Variants in ARHGAP24 observed in about 807,000 individuals in gnomAD.
ARHGAP24 encodes the protein Rho GTPase activating protein 24, also known as rho GTPase-activating protein 24.
Under a neutral mutation model 76.4 loss-of-function variants are expected in ARHGAP24, and 50 were observed. The ratio of observed to expected loss-of-function variants is 0.65; its 90% CI spans 0.52 to 0.83. ARHGAP24 has a LOEUF of 0.83. ARHGAP24 is among the 40% of genes least tolerant of loss of function. ARHGAP24 has a pLI of 0.00. For synonymous variants in ARHGAP24, 345 were observed against 323.3 expected (o/e 1.07, Z -0.72); for missense variants, 930 against 914.2 (o/e 1.02, Z -0.22).
chr4:85,798,140 A>G (rs1348792377), intron 3 of ARHGAP24, among the ~76,000 whole-genome samples: 1 of 152,212 alleles, frequency 6.6e-6, no homozygotes, highest in African/African-American at 2.4e-5. Context: ...GTTGCAAGAT[A>G]TAACTTCTTT....
At chr4:85,771,161 T>C (rs1277620208) in intron 3 of ARHGAP24, among the ~76,000 whole-genome samples, 6 of 152,298 alleles carry the variant, frequency 3.9e-5, no homozygotes, top group South Asian at 2.1e-4. Flanking sequence ...AGGAGATATA[T>C]AGATATATAG....
intron 5 of ARHGAP24, among the ~76,000 whole-genome samples, chr4:85,943,126 A>G (rs1178348438): frequency 2.6e-5 from 4 of 152,172 alleles, no homozygotes; most frequent in Non-Finnish European, 4.4e-5. Flanking sequence ...TATAAATACT[A>G]TTGTAGTGGA....
At chr4:85,835,195 C>T (rs978795543) in intron 3 of ARHGAP24, among the ~76,000 whole-genome samples, 50 of 152,032 alleles carry the variant, frequency 3.3e-4, no homozygotes, top group African/African-American at 9.2e-4. Flanking sequence ...TAAGTCTATG[C>T]AGGCTTGTTT....
intron 3 of ARHGAP24, among the ~76,000 whole-genome samples, chr4:85,886,425 T>C (rs1733573042): frequency 6.6e-6 from 1 of 152,126 alleles, no homozygotes; most frequent in African/African-American, 2.4e-5. Context: ...AGGTGAGCAC[T>C]TAATAGATGA....
intron 1 of ARHGAP24, among the ~76,000 whole-genome samples, chr4:85,511,727 AGTGCTGGGATTACAGGC>A (rs1185557825): frequency 6.6e-6 from 1 of 152,120 alleles, no homozygotes; most frequent in African/African-American, 2.4e-5. Flanking sequence ...GGCCTCCCAA[AGTGCTGGGATTACAGGC>A]GTGAGCCAAC....
chr4:85,797,881 G>T (rs1293624258), intron 3 of ARHGAP24, among the ~76,000 whole-genome samples: 1 of 151,116 alleles, frequency 6.6e-6, no homozygotes, highest in Non-Finnish European at 1.5e-5. Context: ...GGGGAAAGGA[G>T]GGGGGCAAAA....
At chr4:85,942,925 A>C (rs1578415024) in intron 5 of ARHGAP24, among the ~76,000 whole-genome samples, 3 of 152,106 alleles carry the variant, frequency 2.0e-5, no homozygotes, top group South Asian at 2.1e-4. Flanking sequence ...TATTATCAAC[A>C]TTATATACCA....
rs1364351272 is a variant in ARHGAP24, at chr4:85,886,129, A to G, written c.269-37519A>G. Among the ~76,000 whole-genome samples, 3 of 152,300 alleles carry G rather than the reference A, an allele frequency of 2.0e-5. No homozygotes were observed. In the East Asian group the frequency reaches 5.8e-4, roughly 29 times the overall value. ...TTGGAAATGACTGAACTCAAAAGTA[A>G]TTCATTATCTGAGGGCCCAAGATAA... On this transcript the variant is annotated intron_variant, in intron 3 of 9. Transcript: ENST00000395184.
chr4:85,631,561 A>T lies in ARHGAP24; in HGVS notation c.180+60840A>T, dbSNP rs1721159989. Among the ~76,000 whole-genome samples, 5 of 152,114 alleles carry T rather than the reference A, an allele frequency of 3.3e-5. No homozygotes were observed. The South Asian group carries it at 8.3e-4, about 25-fold the overall frequency. On this transcript the variant is annotated intron_variant, in intron 2 of 9. Coordinates refer to ENST00000395184, the MANE Select transcript of ARHGAP24 (RefSeq NM_001025616.3). ...TATTAGCATTTTCAGAATGTATAAG[A>T]CTTACAAAAAATTATACAACCGTAA...
At chr4:85,919,912 A>G (rs1578388597) in intron 3 of ARHGAP24, among the ~76,000 whole-genome samples, 1 of 152,194 alleles carries the variant, frequency 6.6e-6, no homozygotes, top group South Asian at 2.1e-4. Context: ...GATTTTTAGA[A>G]CTGCGCCATG....
intron 3 of ARHGAP24, among the ~76,000 whole-genome samples, chr4:85,800,910 GA>G (rs1454085743): frequency 1.3e-5 from 2 of 152,158 alleles, no homozygotes; most frequent in African/African-American, 4.8e-5. Flanking sequence ...CTCAATAGGA[GA>G]AAAAGATCAT....
chr4:85,665,113 G>T (rs1323655904), intron 2 of ARHGAP24, among the ~76,000 whole-genome samples: 3 of 152,186 alleles, frequency 2.0e-5, no homozygotes, highest in South Asian at 2.1e-4. Flanking sequence ...TGACAGTGGG[G>T]TGTTAAAGTC....
intron 5 of ARHGAP24, among the ~76,000 whole-genome samples, chr4:85,945,363 A>G (rs1737191167): frequency 6.6e-6 from 1 of 151,708 alleles, no homozygotes; most frequent in South Asian, 2.1e-4. Flanking sequence ...GGCTGGTCTC[A>G]AAGCCTAGGT....
intron 2 of ARHGAP24, among the ~76,000 whole-genome samples, chr4:85,709,106 C>A (rs1724426477): frequency 6.6e-6 from 1 of 152,084 alleles, no homozygotes; most frequent in Non-Finnish European, 1.5e-5. Context: ...GAATGTAGGT[C>A]TATTCTTGAG....
chr4:85,874,934 TATATA>T (rs1732772786), intron 3 of ARHGAP24, among the ~76,000 whole-genome samples: 2 of 63,862 alleles, frequency 3.1e-5, no homozygotes, highest in African/African-American at 1.3e-4. Flanking sequence ...ATATAATTTA[TATATA>T]ATATATTTTT....
chr4:85,665,331 T>G (rs1722568771), intron 2 of ARHGAP24, among the ~76,000 whole-genome samples: 1 of 152,156 alleles, frequency 6.6e-6, no homozygotes, highest in Admixed American at 6.5e-5. Flanking sequence ...AGACTAGGAT[T>G]GCAACCCCTG....
chr4:85,582,685 A>G (rs1560541016), intron 2 of ARHGAP24, among the ~76,000 whole-genome samples: 1 of 152,244 alleles, frequency 6.6e-6, no homozygotes, highest in East Asian at 1.9e-4. Flanking sequence ...TTTAAATGTC[A>G]GATACTTTAA....
chr4:85,677,016 C>T (rs1012563473), intron 2 of ARHGAP24, among the ~76,000 whole-genome samples: 1 of 152,098 alleles, frequency 6.6e-6, no homozygotes, highest in Non-Finnish European at 1.5e-5. Context: ...GGTGGAAGAA[C>T]CCAACGGGGG....
chr4:85,595,635 A>C (rs948662596), intron 2 of ARHGAP24, among the ~76,000 whole-genome samples: 2 of 152,094 alleles, frequency 1.3e-5, no homozygotes, highest in South Asian at 4.1e-4. Context: ...ATGGGTGAAG[A>C]AATACAAATA....
Sources: gnomAD v4.1 joint callset for allele counts (sites outside exome capture counted in the v4.1 genomes callset) on GRCh38, gnomAD v4.1.1 for gene constraint, MANE v1.5 for transcripts, NCBI Gene and HGNC (gene_info 2026-07-23, HGNC 2026-07-21) for gene names.